Variants in BIRC6 observed in about 807,000 individuals in gnomAD.
BIRC6 encodes the protein dual E2 ubiquitin-conjugating enzyme/E3 ubiquitin-protein ligase BIRC6.
A neutral mutation model predicts 503.3 loss-of-function variants in BIRC6; 98 were observed. That is an observed-to-expected ratio of 0.19 (90% confidence interval 0.17 to 0.23). BIRC6 has a LOEUF of 0.23. Among genes scored for constraint, BIRC6 ranks in the 10% least tolerant of loss-of-function variants. The pLI is 1.00. For missense variants in BIRC6, 5,360 were observed against 5,806.0 expected, an observed-to-expected ratio of 0.92 and a Z score of 2.50; for synonymous variants, 2,240 against 2,078.7, an observed-to-expected ratio of 1.08 and a Z score of -2.11.
At chr2:32,370,434 G>T (rs945295251) in intron 1 of BIRC6, among the ~76,000 whole-genome samples, 1 of 152,056 alleles carries the variant, frequency 6.6e-6, no homozygotes, top group Admixed American at 6.5e-5. Flanking sequence ...GTAGATGTTG[G>T]TTCTCTTGCC....
In BIRC6 at chr2:32,372,396, A is replaced by G. The variant is rs559539570; in HGVS notation, c.326-5192A>G. Among the ~76,000 whole-genome samples the G allele has an allele frequency of 2.6e-5, 4 of 152,296 alleles. No homozygotes were observed. In the South Asian group the frequency reaches 6.2e-4, roughly 24 times the overall value. On this transcript the variant is annotated intron_variant, in intron 1 of 73. Coordinates refer to ENST00000421745, the MANE Select transcript of BIRC6 (RefSeq NM_016252.4). ...TGTTACTGAAATGTAATCATTCAGT[A>G]TGTAACCTGTTGATGCTAGCTGCTT...
At chr2:32,561,501 A>C (rs1001186149) in intron 65 of BIRC6, among the ~76,000 whole-genome samples, 13 of 151,862 alleles carry the variant, frequency 8.6e-5, no homozygotes, top group South Asian at 4.2e-4. Flanking sequence ...CGGCCTCCCA[A>C]ATATCTGGGA....
At chr2:32,552,910 A>G (rs535667461) in intron 65 of BIRC6, among the ~76,000 whole-genome samples, 2 of 150,154 alleles carry the variant, frequency 1.3e-5, no homozygotes, top group South Asian at 2.1e-4. Context: ...ATGTACTTAT[A>G]TGCTTATATT....
At chr2:32,492,166 T>G (rs1044101884) in intron 44 of BIRC6, among the ~76,000 whole-genome samples, 7 of 152,230 alleles carry the variant, frequency 4.6e-5, no homozygotes, top group African/African-American at 1.7e-4. Context: ...CTTGCAAGTT[T>G]ATCATTTTAA....
At chr2:32,571,254 G>A (rs552170578) in intron 65 of BIRC6, among the ~76,000 whole-genome samples, 5 of 151,908 alleles carry the variant, frequency 3.3e-5, no homozygotes, top group African/African-American at 7.2e-5. Flanking sequence ...GCATATTACC[G>A]GCCTCATAAA....
chr2:32,365,099 T>C (rs1389876615), intron 1 of BIRC6, among the ~76,000 whole-genome samples: 1 of 152,192 alleles, frequency 6.6e-6, no homozygotes, highest in Non-Finnish European at 1.5e-5. Flanking sequence ...GCTATGAATA[T>C]GTACTTTGGC....
intron 23 of BIRC6, among the ~76,000 whole-genome samples, chr2:32,457,876 A>C (rs1574349138): frequency 6.6e-6 from 1 of 152,060 alleles, no homozygotes; most frequent in African/African-American, 2.4e-5. Context: ...TATCATTGTT[A>C]TTTTTTCACA....
intron 66 of BIRC6, among the ~76,000 whole-genome samples, chr2:32,576,435 T>C (rs1225151458): frequency 3.3e-5 from 5 of 152,226 alleles, no homozygotes; most frequent in Admixed American, 3.3e-4. Flanking sequence ...GCAGAATCTG[T>C]TCAGTGGTTG....
chr2:32,472,514 A>G (rs2049218097), intron 32 of BIRC6, among the ~76,000 whole-genome samples: 6 of 152,218 alleles, frequency 3.9e-5, no homozygotes, highest in Admixed American at 3.9e-4. Flanking sequence ...TTGAACTAAG[A>G]TTTGATAAGT....
At chr2:32,548,536 C>CT (rs2058215943) in intron 64 of BIRC6, 1 of 151,770 alleles carries the variant, frequency 6.6e-6, no homozygotes, top group Non-Finnish European at 1.5e-5. Context: ...TATCCCAGCA[C>CT]TTTGAGAGGC....
Position 32,482,592 on chromosome 2 carries a change from T to C in BIRC6, c.7696+10T>C. ...GTTTCAGTCTCTCAGGGTAAGTGTA[T>C]GTTTATATTTTAAGACATATGCTAT... On this transcript the variant is annotated intron_variant, in intron 39 of 73. Coordinates refer to ENST00000421745, the MANE Select transcript of BIRC6 (RefSeq NM_016252.4). The C allele has an allele frequency of 3.1e-6, 5 of 1,613,244 alleles. No homozygotes were observed. The highest frequency in any genetic ancestry group is 2.5e-6 in the Non-Finnish European group (3 of 1,179,394).
chr2:32,388,894 C>G lies in BIRC6; in HGVS notation c.790C>G (p.Pro264Ala). The G allele has an allele frequency of 6.2e-7, 1 of 1,610,072 alleles. No homozygotes were observed. Among genetic ancestry groups the G allele is most frequent in the Non-Finnish European group, 8.5e-7 (1 of 1,178,630 alleles). Residue 264 changes from proline (P) to alanine (A), a missense_variant, in exon 4 of 74, where the codon CCT (proline) becomes GCT (alanine). Transcript: ENST00000421745. ...SVMDRLSYLL[P>A]SARPELGVGP... ...GATGGACAGATTGTCTTACCTCTTA[C>G]CTAGTGCACGTCCAGAACTCGGAGT...
chr2:32,569,985 AACTCTTG>A (rs2059811410), intron 65 of BIRC6, among the ~76,000 whole-genome samples: 1 of 152,036 alleles, frequency 6.6e-6, no homozygotes, highest in African/African-American at 2.4e-5. Flanking sequence ...TGAAAATGAG[AACTCTTG>A]ACTTGTTCCA....
chr2:32,580,624 T>G (rs1007234551), intron 66 of BIRC6, among the ~76,000 whole-genome samples: 2 of 152,178 alleles, frequency 1.3e-5, no homozygotes, highest in Non-Finnish European at 2.9e-5. Context: ...GCAGCTCTCA[T>G]CAGGTTTGCA....
At chr2:32,532,202 T>C (rs2056840093) in intron 61 of BIRC6, 1 of 527,276 alleles carries the variant, frequency 1.9e-6, no homozygotes, top group Non-Finnish European at 3.9e-6. Flanking sequence ...CTAGACTCTA[T>C]TATAGTTTCC....
intron 59 of BIRC6, chr2:32,526,759 TA>T: frequency 6.3e-6 from 1 of 157,490 alleles, no homozygotes; most frequent in East Asian, 1.9e-4. Flanking sequence ...ATGAAACAAG[TA>T]ACGATCTATC....
intron 51 of BIRC6, 90 bp from the exon 52 acceptor site, chr2:32,509,648 C>T: frequency 6.9e-7 from 1 of 1,446,258 alleles, no homozygotes; most frequent in Non-Finnish European, 9.5e-7. Context: ...GTTTATGAAA[C>T]ACAACATGCT....
At position 32,431,109 on chromosome 2, in the gene BIRC6, A is replaced by G. The variant is rs746231177; in HGVS notation, c.3248+19A>G. The G allele has an allele frequency of 1.3e-6, 2 of 1,537,890 alleles. No individual in the cohort carries two copies. The highest frequency in any genetic ancestry group is 1.8e-6 in the Non-Finnish European group (2 of 1,122,152). On this transcript the variant is annotated intron_variant, in intron 12 of 73. Transcript: ENST00000421745. ...CCGACAGGTAAAAGATATTCCCAAG[A>G]TAATTAATTTTAAGTCCATCTTGTG... is the stretch of plus-strand genomic sequence containing the variant.
rs776365466 is a variant in BIRC6 at position 32,490,023 on chromosome 2, T to C, written c.8096-18T>C. 4 of 1,518,352 alleles carry C rather than the reference T, an allele frequency of 2.6e-6. No individual in the cohort carries two copies. In the Admixed American group the frequency reaches 5.2e-5, roughly 20 times the overall value. 94.1% of individuals were successfully genotyped at this position (1,518,352 alleles called of 1,614,324 possible). ...TTGTTTTTCTGAAAAATATTTTCCC[T>C]TTCTCTTTTCTGCATAGCATCAATA... On this transcript the variant is annotated intron_variant, in intron 42 of 73. Coordinates refer to ENST00000421745, the MANE Select transcript of BIRC6 (RefSeq NM_016252.4).
Sources: gnomAD v4.1 joint callset for allele counts (sites outside exome capture counted in the v4.1 genomes callset) on GRCh38, gnomAD v4.1.1 for gene constraint, MANE v1.5 for transcripts, NCBI Gene and HGNC (gene_info 2026-07-23, HGNC 2026-07-21) for gene names.